XIRP2: variants seen among roughly 807,000 people sequenced by gnomAD.
XIRP2 encodes the protein xin actin-binding repeat-containing protein 2.
Under a neutral mutation model 277.0 loss-of-function variants are expected in XIRP2, and 236 were observed. The ratio of observed to expected loss-of-function variants is 0.85; its 90% CI spans 0.77 to 0.95. The LOEUF (loss-of-function observed/expected upper bound fraction) is 0.95, where lower values mean the gene tolerates loss of function less well. Ranked by LOEUF, XIRP2 falls within the 40% of genes least tolerant of loss-of-function variation. The pLI is 0.00. For synonymous variants in XIRP2, 1,490 were observed against 1,416.5 expected (o/e 1.05, Z -1.17); for missense variants, 4,640 against 4,157.5 (o/e 1.12, Z -3.19).
chr2:167,117,651 C>G (rs1290958191), intron 2 of XIRP2, among the ~76,000 whole-genome samples: 2 of 152,220 alleles, frequency 1.3e-5, no homozygotes, highest in Non-Finnish European at 2.9e-5. Context: ...CCCAGCTGAG[C>G]TGATTCTACT....
Position 167,259,206 on chromosome 2 carries a change from C to T in XIRP2, c.*1389C>T. 1.2e-6 allele frequency: 2 copies of T among 1,613,444 alleles called. No homozygotes were observed. The highest frequency in any genetic ancestry group is 1.7e-6 in the Non-Finnish European group (2 of 1,179,650). ...GATGTTAAACCTTGGCATGTTGAAA[C>T]AACAGAAGCTGCCCGCAATAATGAA... On this transcript the variant is annotated 3_prime_UTR_variant, in exon 11 of 11. Coordinates refer to ENST00000409195, the MANE Select transcript of XIRP2 (RefSeq NM_152381.6).
rs1023081588 is a variant in XIRP2, at chr2:167,198,012, A to T, written c.563-12723A>T. ...ATAAATGCGTTCTTCCATGTATGGT[A>T]CATTTATAGCATTAGGTTTTGAATC... is the stretch of plus-strand genomic sequence containing the variant. On this transcript the variant is annotated intron_variant, in intron 3 of 10. Transcript: ENST00000409195. 9.8e-4 allele frequency among the ~76,000 whole-genome samples: 150 copies of T among 152,366 alleles called. 1 individual carries two copies. The highest frequency in any genetic ancestry group is 3.4e-3 in the African/African-American group (143 of 41,588).
At chr2:167,025,147 A>C (rs1688114504) in intron 2 of XIRP2, among the ~76,000 whole-genome samples, 1 of 152,144 alleles carries the variant, frequency 6.6e-6, no homozygotes, top group Non-Finnish European at 1.5e-5. Context: ...TTATTGGTCT[A>C]TTCAGAGATT....
intron 2 of XIRP2, among the ~76,000 whole-genome samples, chr2:166,917,259 AGAT>A (rs1684912423): frequency 6.6e-6 from 1 of 152,152 alleles, no homozygotes; most frequent in African/African-American, 2.4e-5. Context: ...TCCCATTTTG[AGAT>A]GATGAGACAA....
chr2:167,092,686 G>A (rs1430081534), intron 2 of XIRP2, among the ~76,000 whole-genome samples: 2 of 151,928 alleles, frequency 1.3e-5, no homozygotes, highest in Non-Finnish European at 2.9e-5. Flanking sequence ...CATCATTTAT[G>A]GATTACATGT....
chr2:167,115,177 T>A (rs1317543789), intron 2 of XIRP2, among the ~76,000 whole-genome samples: 2 of 152,144 alleles, frequency 1.3e-5, no homozygotes, highest in Non-Finnish European at 2.9e-5. Context: ...GTTTTGCAAT[T>A]CTTATAGTGT....
chr2:167,241,652 T>A, intron 7 of XIRP2, 125 bp from the exon 8 acceptor site: 1 of 1,111,974 alleles, frequency 9.0e-7, no homozygotes, highest in Non-Finnish European at 1.2e-6. Context: ...TCAAGTAATC[T>A]TCGCACCTCA....
At chr2:167,026,825 T>C (rs759209278) in intron 2 of XIRP2, among the ~76,000 whole-genome samples, 15 of 152,156 alleles carry the variant, frequency 9.9e-5, no homozygotes, top group Non-Finnish European at 1.8e-4. Flanking sequence ...TTAAGAATGT[T>C]GAATGTTGGC....
At chr2:167,184,801 A>G (rs1329008768) in intron 3 of XIRP2, among the ~76,000 whole-genome samples, 1 of 152,172 alleles carries the variant, frequency 6.6e-6, no homozygotes, top group African/African-American at 2.4e-5. Flanking sequence ...TCCCACTAGA[A>G]GAACTTAAGT....
At chr2:167,108,353 A>T (rs1690662645) in intron 2 of XIRP2, among the ~76,000 whole-genome samples, 1 of 151,666 alleles carries the variant, frequency 6.6e-6, no homozygotes, top group South Asian at 2.1e-4. Flanking sequence ...TGTCTTTATT[A>T]TTACAGTCCT....
chr2:167,238,673 C>T (rs896631064), intron 5 of XIRP2, among the ~76,000 whole-genome samples: 2 of 152,056 alleles, frequency 1.3e-5, no homozygotes, highest in South Asian at 4.1e-4. Flanking sequence ...TACCCATGCT[C>T]ACTTGACTAT....
At position 167,250,775 on chromosome 2, in the gene XIRP2, C is replaced by G; in HGVS notation, c.9383C>G (p.Ser3128Cys). Reference protein sequence around the residue: ...PPSPTFITIESTARRTENPTK... With the variant: ...PPSPTFITIECTARRTENPTK... ...TCACCAACTTTTATCACAATAGAAT[C>G]TACTGCCCGACGAACAGAAAACCCT... The change falls in exon 9 of 11, where the codon TCT becomes TGT. Residue 3128 changes from serine to cysteine, a missense_variant. Coordinates refer to ENST00000409195, the MANE Select transcript of XIRP2 (RefSeq NM_152381.6). 6.2e-7 allele frequency: 1 copy of G among 1,613,542 alleles called. No homozygotes were observed. The highest frequency in any genetic ancestry group is 8.5e-7 in the Non-Finnish European group (1 of 1,179,718).
At chr2:167,154,619 T>C (rs1692127085) in intron 3 of XIRP2, among the ~76,000 whole-genome samples, 1 of 152,158 alleles carries the variant, frequency 6.6e-6, no homozygotes, top group Non-Finnish European at 1.5e-5. Flanking sequence ...TTCAGCTTTC[T>C]ACATATGGCT....
Position 166,912,740 on chromosome 2 carries a change from T to C in XIRP2, c.408+8850T>C, listed in dbSNP as rs552801222. Among the ~76,000 whole-genome samples the C allele has an allele frequency of 7.4e-4, 112 of 152,332 alleles. 1 individual carries two copies. The highest frequency in any genetic ancestry group is 8.7e-4 in the Non-Finnish European group (59 of 68,032). ...TTTTTTCCCCATCTTTGTGGTTTTA[T>C]CTACATTTGGTCTTTGATGATGGTG... On this transcript the variant is annotated intron_variant, in intron 2 of 10. Transcript: ENST00000409195.
chr2:167,251,983 C>G (rs752187562), intron 9 of XIRP2, 36 bp downstream of exon 9: 4 of 1,515,460 alleles, frequency 2.6e-6, no homozygotes, highest in East Asian at 4.5e-5. Context: ...GAAGATTAAC[C>G]ATTTAAAGGC....
intron 2 of XIRP2, among the ~76,000 whole-genome samples, chr2:166,906,561 C>A (rs1684530462): frequency 6.6e-6 from 1 of 151,810 alleles, no homozygotes; most frequent in Non-Finnish European, 1.5e-5. Context: ...TTTCAGCAAA[C>A]AAAGGGGAAA....
intron 2 of XIRP2, among the ~76,000 whole-genome samples, chr2:166,988,257 C>T (rs988438635): frequency 2.6e-5 from 4 of 152,002 alleles, no homozygotes; most frequent in Admixed American, 2.0e-4. Flanking sequence ...AGAAGAAAAC[C>T]GCAGACAAAC....
intron 2 of XIRP2, among the ~76,000 whole-genome samples, chr2:167,135,154 T>C (rs1421585307): frequency 6.6e-6 from 1 of 152,146 alleles, no homozygotes; most frequent in African/African-American, 2.4e-5. Context: ...TCTTGAACTG[T>C]CTTGAGTCAT....
chr2:166,951,069 T>C (rs570430015), intron 2 of XIRP2, among the ~76,000 whole-genome samples: 32 of 151,978 alleles, frequency 2.1e-4, no homozygotes, highest in Non-Finnish European at 4.6e-4. Context: ...CAAACAGGGA[T>C]ATAAAAACGA....
Sources: gnomAD v4.1 joint callset for allele counts (sites outside exome capture counted in the v4.1 genomes callset) on GRCh38, gnomAD v4.1.1 for gene constraint, MANE v1.5 for transcripts, NCBI Gene and HGNC (gene_info 2026-07-23, HGNC 2026-07-21) for gene names.